The following FMN1 variants were observed in gnomAD, a reference collection of about 807,000 sequenced individuals.
FMN1 encodes the protein formin-1.
Under a neutral mutation model 132.4 loss-of-function variants are expected in FMN1, and 110 were observed. That is an observed-to-expected ratio of 0.83 (90% CI 0.71 to 0.97). The LOEUF (loss-of-function observed/expected upper bound fraction) is 0.97, where lower values mean the gene tolerates loss of function less well. Ranked by LOEUF, FMN1 falls within the 50% of genes least tolerant of loss-of-function variation. The pLI is 0.00. For synonymous variants in FMN1, 722 were observed against 651.7 expected (o/e 1.11, Z -1.64); for missense variants, 1,792 against 1,705.3 (o/e 1.05, Z -0.90).
intron 7 of FMN1, among the ~76,000 whole-genome samples, chr15:32,975,927 G>A (rs1447537375): frequency 6.6e-6 from 1 of 151,944 alleles, no homozygotes; most frequent in Admixed American, 6.6e-5. Context: ...TATCATCGAA[G>A]GAACACACTG....
At chr15:33,082,572 T>A (rs998921769) in intron 5 of FMN1, among the ~76,000 whole-genome samples, 1 of 152,172 alleles carries the variant, frequency 6.6e-6, no homozygotes, top group South Asian at 2.1e-4. Context: ...GCACTTGTTA[T>A]AAGAATTTAG....
chr15:32,959,704 A>C (rs778956523), intron 9 of FMN1, among the ~76,000 whole-genome samples: 6 of 152,236 alleles, frequency 3.9e-5, no homozygotes, highest in Non-Finnish European at 7.3e-5. Context: ...TAACTGCCTT[A>C]AACTCCTTTG....
chr15:32,917,100 CT>C (rs2060702943), intron 10 of FMN1, among the ~76,000 whole-genome samples: 1 of 152,038 alleles, frequency 6.6e-6, no homozygotes, highest in Non-Finnish European at 1.5e-5. Context: ...TGAGGTCATC[CT>C]TGAGAGCAAA....
At chr15:32,880,384 G>A (rs879289454) in intron 16 of FMN1, among the ~76,000 whole-genome samples, 2 of 152,040 alleles carry the variant, frequency 1.3e-5, no homozygotes, top group Admixed American at 6.6e-5. Flanking sequence ...TTGTCCAAAC[G>A]TTCAGATATA....
Position 33,154,436 on chromosome 15 carries a change from C to T in FMN1, c.479G>A (p.Arg160Gln), listed in dbSNP as rs1473351722. 4.3e-5 allele frequency: 66 copies of T among 1,536,018 alleles called. No individual in the cohort carries two copies. In the East Asian group the frequency reaches 1.1e-3, roughly 26 times the overall value. ...KRSTHGNKKP[R>Q]RSSGRRESFG... ...GCTCTCTCTCCTTCCACTAGACCTC[C>T]GAGGCTTTTTGTTCCCGTGGGTGCT... The change falls in exon 4 of 21, where the codon CGG (arginine) becomes CAG (glutamine). Residue 160 changes from arginine to glutamine, a missense_variant. By Grantham distance (43) the Arg-to-Gln change is conservative (BLOSUM62 1). This residue lies in a region of FMN1 where 638 missense variants were observed against 645.2 expected (regional missense o/e 0.99). Transcript: ENST00000616417.
chr15:33,088,972 T>C lies in FMN1; in HGVS notation c.1870A>G (p.Ile624Val). ...AEPQHQSPPG[I>V]SSEGFPWDGF... ...TCCCAGGGAAAGCCCTCAGAGGAGA[T>C]ACCTAAACAAACACAGAGAAGGCCA... The change falls in exon 5 of 21, where the codon ATC becomes GTC. Residue 624 changes from isoleucine to valine, a missense_variant and splice_region_variant. Coordinates refer to ENST00000616417, the MANE Select transcript of FMN1 (RefSeq NM_001277313.2). 1 of 1,530,468 alleles carries C rather than the reference T, an allele frequency of 6.5e-7. No homozygotes were observed. Among genetic ancestry groups the C allele is most frequent in the East Asian group, 2.4e-5 (1 of 40,872 alleles). 94.8% of individuals were successfully genotyped at this position (1,530,468 alleles called of 1,614,324 possible).
intron 6 of FMN1, among the ~76,000 whole-genome samples, chr15:33,059,512 A>C (rs1430002856): frequency 6.6e-6 from 1 of 152,196 alleles, no homozygotes; most frequent in African/African-American, 2.4e-5. Context: ...GTTCCCACAA[A>C]AAATGCTTCT....
chr15:33,029,261 A>G (rs534060333), intron 6 of FMN1, among the ~76,000 whole-genome samples: 1 of 148,176 alleles, frequency 6.7e-6, no homozygotes, highest in East Asian at 1.9e-4. Context: ...TGAACACACA[A>G]GGAAAAAAAA....
intron 7 of FMN1, among the ~76,000 whole-genome samples, chr15:32,995,341 T>C (rs936605815): frequency 3.9e-5 from 6 of 152,146 alleles, no homozygotes; most frequent in African/African-American, 1.4e-4. Context: ...GCAACTTCTA[T>C]AAAAAGTTGA....
At chr15:33,040,883 T>G (rs373133538) in intron 6 of FMN1, among the ~76,000 whole-genome samples, 1 of 152,354 alleles carries the variant, frequency 6.6e-6, no homozygotes, top group Non-Finnish European at 1.5e-5. Context: ...TTGTTTCTAT[T>G]TTAACAAATC....
intron 6 of FMN1, among the ~76,000 whole-genome samples, chr15:33,023,043 AT>A (rs1225372913): frequency 8.3e-6 from 1 of 119,838 alleles, no homozygotes; most frequent in Non-Finnish European, 1.7e-5. Flanking sequence ...CAAGACCCTG[AT>A]CCCCCTCCCC....
chr15:33,041,378 TTCC>T (rs1252054623), intron 6 of FMN1, among the ~76,000 whole-genome samples: 2 of 134,002 alleles, frequency 1.5e-5, no homozygotes, highest in Non-Finnish European at 3.2e-5. Context: ...TCTTTTGACG[TTCC>T]TCACCAGTTA....
chr15:33,056,730 T>A (rs1367501718), intron 6 of FMN1, among the ~76,000 whole-genome samples: 1 of 152,186 alleles, frequency 6.6e-6, no homozygotes, highest in Non-Finnish European at 1.5e-5. Flanking sequence ...ACTGGATAAA[T>A]ATGTTGCAAT....
chr15:33,074,109 C>T (rs948361265), intron 5 of FMN1, among the ~76,000 whole-genome samples: 2 of 152,160 alleles, frequency 1.3e-5, no homozygotes, highest in Non-Finnish European at 2.9e-5. Context: ...TCATACTGCT[C>T]AAGTGCAGCA....
chr15:33,153,790 T>A lies in FMN1; in HGVS notation c.1125A>T (p.Gly375=), dbSNP rs1964550957. The A allele has an allele frequency of 3.1e-5, 48 of 1,536,182 alleles. No individual in the cohort carries two copies. Among genetic ancestry groups the A allele is most frequent in the African/African-American group, 4.1e-5 (3 of 73,044 alleles). The part of the protein sequence containing the change: ...VPKADLLTLP[G]AEAGAHGSRR... ...TGGAGCCATGAGCCCCAGCCTCAGC[T>A]CCCGGGAGGGTGAGCAAGTCGGCTT... Residue 375 remains glycine (G), a synonymous_variant, in exon 4 of 21, where the codon GGA becomes GGT. Coordinates refer to ENST00000616417, the MANE Select transcript of FMN1 (RefSeq NM_001277313.2).
intron 4 of FMN1, among the ~76,000 whole-genome samples, chr15:33,090,742 C>A (rs1253739982): frequency 6.6e-6 from 1 of 152,138 alleles, no homozygotes; most frequent in Non-Finnish European, 1.5e-5. Flanking sequence ...CACTTCTAGT[C>A]TCAAGACATA....
Position 32,899,959 on chromosome 15 carries a change from T to C in FMN1, c.3654+20A>G, listed in dbSNP as rs773388632. On this transcript the variant is annotated intron_variant, in intron 14 of 20. Transcript: ENST00000616417. ...GAAAATAATGGCAGATCATGGGAAC[T>C]TATTATGAAAAATAAATACCCGACT... 1 of 1,609,648 alleles carries C rather than the reference T, an allele frequency of 6.2e-7. No homozygotes were observed. Among genetic ancestry groups the C allele is most frequent in the South Asian group, 1.1e-5 (1 of 89,784 alleles).
chr15:33,035,265 T>C (rs1016956955), intron 6 of FMN1, among the ~76,000 whole-genome samples: 1 of 152,258 alleles, frequency 6.6e-6, no homozygotes, highest in Admixed American at 6.5e-5. Flanking sequence ...ACAGTATCTG[T>C]GATTTCCTAT....
In FMN1 at chr15:32,898,862, A is replaced by G. The variant is rs758532141; in HGVS notation, c.3686T>C (p.Val1229Ala). 1 of 1,603,448 alleles carries G rather than the reference A, an allele frequency of 6.2e-7. No homozygotes were observed. The highest frequency in any genetic ancestry group is 2.2e-5 in the East Asian group (1 of 44,766). Residue 1229 changes from valine to alanine, a missense_variant, in exon 15 of 21, where the codon GTT (valine) becomes GCT (alanine). This residue lies in a region of FMN1 where 1,150 missense variants were observed against 1,043.1 expected (regional missense o/e 1.10). Coordinates refer to ENST00000616417, the MANE Select transcript of FMN1 (RefSeq NM_001277313.2). ...ATCATAGTAACGCAGGTAATACTTA[A>G]CAACGTAGTCCACCAGATTAATCCC... ...DNGINLVDYV[V>A]KYYLRYYDQE...
Sources: gnomAD v4.1 joint callset for allele counts (sites outside exome capture counted in the v4.1 genomes callset) on GRCh38, gnomAD v4.1.1 for gene constraint, gnomAD v4.1.1 regional missense constraint, MANE v1.5 for transcripts, NCBI Gene and HGNC (gene_info 2026-07-23, HGNC 2026-07-21) for gene names.